ATG10: variants seen among roughly 807,000 people sequenced by gnomAD.
ATG10 encodes ubiquitin-like-conjugating enzyme ATG10.
A neutral mutation model predicts 32.1 loss-of-function variants in ATG10; 30 were observed. That is an observed-to-expected ratio of 0.94 (90% CI 0.70 to 1.27). ATG10 has a LOEUF of 1.27. ATG10 is among the 50% of genes most tolerant of loss of function. ATG10 has a pLI of 0.00. For synonymous variants in ATG10, 87 were observed against 91.5 expected (o/e 0.95, Z 0.28); for missense variants, 233 against 262.3 (o/e 0.89, Z 0.77).
At chr5:82,088,665 G>A (rs1381837867) in intron 3 of ATG10, among the ~76,000 whole-genome samples, 5 of 152,102 alleles carry the variant, frequency 3.3e-5, no homozygotes, top group Non-Finnish European at 7.4e-5. Flanking sequence ...TGACTGATTG[G>A]ATATAGAAAG....
rs887578920 is a variant in ATG10, at chr5:82,058,622, A to G, written c.216+20A>G. The G allele has an allele frequency of 6.6e-7, 1 of 1,512,748 alleles. No individual in the cohort carries two copies. The highest frequency in any genetic ancestry group is 9.2e-7 in the Non-Finnish European group (1 of 1,091,432). 93.7% of individuals were successfully genotyped at this position (1,512,748 alleles called of 1,614,324 possible). On this transcript the variant is annotated intron_variant, in intron 3 of 7. Coordinates refer to ENST00000282185, the MANE Select transcript of ATG10 (RefSeq NM_031482.5). ...ATGGAGGTGAGTAGTTTAATGCATC[A>G]TGTTCTTTTCAGTCTCCGTAAAGTA...
At chr5:82,060,404 G>C (rs1161213145) in intron 3 of ATG10, among the ~76,000 whole-genome samples, 1 of 151,890 alleles carries the variant, frequency 6.6e-6, no homozygotes, top group Non-Finnish European at 1.5e-5. Context: ...AAATATTTGA[G>C]TACACAAAGA....
intron 3 of ATG10, among the ~76,000 whole-genome samples, chr5:82,090,722 AATC>A (rs762076463): frequency 1.3e-5 from 2 of 152,188 alleles, no homozygotes; most frequent in Non-Finnish European, 2.9e-5. Context: ...TATCAGTGCA[AATC>A]ATCCTTGTAA....
intron 4 of ATG10, among the ~76,000 whole-genome samples, chr5:82,177,974 T>C (rs1744096003): frequency 6.6e-6 from 1 of 152,184 alleles, no homozygotes; most frequent in South Asian, 2.1e-4. Context: ...CAGTAGATGT[T>C]AGGCTCCTTG....
chr5:82,236,260 C>T (rs1746546655), intron 5 of ATG10, among the ~76,000 whole-genome samples: 1 of 152,056 alleles, frequency 6.6e-6, no homozygotes, highest in Non-Finnish European at 1.5e-5. Context: ...TTATAATGGT[C>T]TTGGTGGTTA....
At chr5:81,989,172 A>G (rs1176191651) in intron 2 of ATG10, among the ~76,000 whole-genome samples, 1 of 152,220 alleles carries the variant, frequency 6.6e-6, no homozygotes, top group East Asian at 1.9e-4. Context: ...CCTTCCTTAG[A>G]GAATAGGTAA....
In ATG10 at chr5:82,211,938, T is replaced by G. The variant is rs193266104; in HGVS notation, c.453+33351T>G. On this transcript the variant is annotated intron_variant, in intron 5 of 7. Coordinates refer to ENST00000282185, the MANE Select transcript of ATG10 (RefSeq NM_031482.5). ...TAATATCCTTGTATCTCTCCCATGT[T>G]GTACCCATATCCAAGCAATTGAACA... Among the ~76,000 whole-genome samples, 3 of 152,360 alleles carry G rather than the reference T, an allele frequency of 2.0e-5. No individual in the cohort carries two copies. The East Asian group carries it at 5.8e-4, about 29-fold the overall frequency.
chr5:82,046,135 A>T (rs1279797518), intron 2 of ATG10, among the ~76,000 whole-genome samples: 1 of 152,146 alleles, frequency 6.6e-6, no homozygotes, highest in Non-Finnish European at 1.5e-5. Context: ...AGCTGTCTTC[A>T]GGTTAGATGA....
chr5:82,188,784 T>G (rs1744550822), intron 5 of ATG10, among the ~76,000 whole-genome samples: 1 of 151,968 alleles, frequency 6.6e-6, no homozygotes. Flanking sequence ...ATATGCTACC[T>G]CAGAAAGATG....
chr5:82,164,548 G>A lies in ATG10; in HGVS notation c.355+11G>A. 1 of 1,592,460 alleles carries A rather than the reference G, an allele frequency of 6.3e-7. No homozygotes were observed. The highest frequency in any genetic ancestry group is 8.5e-7 in the Non-Finnish European group (1 of 1,170,178). On this transcript the variant is annotated intron_variant, in intron 4 of 7. Transcript: ENST00000282185. ...GGGCAAGCTTTTTAGGTAAGAACAT[G>A]TCTGAAGCTAAAAGTAAATTTATAA... is the stretch of plus-strand genomic sequence containing the variant.
rs1487477913 is a variant in ATG10 at position 82,254,591 on chromosome 5, C to G, written c.*528C>G. ...AAAAAAAAAAAAAAAAGACACATCACTATAAATAGCAAAAAAACAAATCTA... is the reference window on the plus strand; with the variant it reads ...AAAAAAAAAAAAAAAAGACACATCAGTATAAATAGCAAAAAAACAAATCTA... On this transcript the variant is annotated 3_prime_UTR_variant, in exon 8 of 8. Coordinates refer to ENST00000282185, the MANE Select transcript of ATG10 (RefSeq NM_031482.5). 6.8e-6 allele frequency: 1 copy of G among 148,078 alleles called. No homozygotes were observed. Among genetic ancestry groups the G allele is most frequent in the African/African-American group, 2.5e-5 (1 of 40,226 alleles). 9.2% of individuals were successfully genotyped at this position (148,078 alleles called of 1,614,324 possible). A position where few individuals can be genotyped will look rare whatever the true frequency, so the allele number is the denominator to read the frequency against.
intron 3 of ATG10, among the ~76,000 whole-genome samples, chr5:82,121,574 T>A (rs1049310990): frequency 6.6e-6 from 1 of 152,210 alleles, no homozygotes; most frequent in African/African-American, 2.4e-5. Flanking sequence ...TTTTGCCCAT[T>A]CAGTATAATG....
intron 3 of ATG10, among the ~76,000 whole-genome samples, chr5:82,082,740 T>C (rs1390950753): frequency 1.3e-5 from 2 of 151,912 alleles, no homozygotes; most frequent in Non-Finnish European, 2.9e-5. Context: ...TATCAGGAAA[T>C]ATGGAAGACT....
chr5:82,127,473 G>T (rs1312195207), intron 3 of ATG10, among the ~76,000 whole-genome samples: 2 of 152,048 alleles, frequency 1.3e-5, no homozygotes, highest in African/African-American at 4.8e-5. Context: ...AGAGATTCTG[G>T]TACATTGTAT....
rs1298231167 is a variant in ATG10 at position 82,058,485 on chromosome 5, T to C, written c.109-10T>C. On this transcript the variant is annotated splice_polypyrimidine_tract_variant and intron_variant, in intron 2 of 7. Coordinates refer to ENST00000282185, the MANE Select transcript of ATG10 (RefSeq NM_031482.5). ...CATTTTCTTATATATTTTTTGGTGATGAAACACAGGACTGTTCTGATGGCT... is the reference window on the plus strand; with the variant it reads ...CATTTTCTTATATATTTTTTGGTGACGAAACACAGGACTGTTCTGATGGCT... 1 of 1,586,244 alleles carries C rather than the reference T, an allele frequency of 6.3e-7. No homozygotes were observed. The highest frequency in any genetic ancestry group is 1.7e-5 in the Admixed American group (1 of 57,594).
Position 82,046,322 on chromosome 5 carries a change from C to T in ATG10, c.109-12173C>T, listed in dbSNP as rs530243304. Among the ~76,000 whole-genome samples, 175 of 152,208 alleles carry T rather than the reference C, an allele frequency of 1.1e-3. 2 individuals carry two copies. The highest frequency in any genetic ancestry group is 2.3e-3 in the Admixed American group (35 of 15,280). On this transcript the variant is annotated intron_variant, in intron 2 of 7. Transcript: ENST00000282185. The stretch of plus-strand genomic sequence containing the variant: ...GAAGTCATGCTGGATTAGGGTGAGT[C>T]CTAAATCCAATACGACTGGTATCTT...
At chr5:82,114,821 A>G (rs1289057148) in intron 3 of ATG10, among the ~76,000 whole-genome samples, 3 of 152,112 alleles carry the variant, frequency 2.0e-5, no homozygotes, top group African/African-American at 7.2e-5. Flanking sequence ...AGACAGCATT[A>G]GCCAATAGAA....
chr5:82,010,492 G>A (rs1028264828), intron 2 of ATG10, among the ~76,000 whole-genome samples: 1 of 152,052 alleles, frequency 6.6e-6, no homozygotes, highest in Non-Finnish European at 1.5e-5. Context: ...TGAAATTCAC[G>A]GTTTGAATGG....
At chr5:81,987,707 T>A in intron 2 of ATG10, 29 bp downstream of exon 2, 1 of 1,542,848 alleles carries the variant, frequency 6.5e-7, no homozygotes, top group South Asian at 1.2e-5. Context: ...GTTTTCTGTC[T>A]CAAAAGAGGA....
Sources: gnomAD v4.1 joint callset for allele counts (sites outside exome capture counted in the v4.1 genomes callset) on GRCh38, gnomAD v4.1.1 for gene constraint, MANE v1.5 for transcripts, NCBI Gene and HGNC (gene_info 2026-07-23, HGNC 2026-07-21) for gene names.